The following NTRK3 variants were observed in gnomAD, a reference collection of about 807,000 sequenced individuals.
NTRK3 encodes neurotrophic receptor tyrosine kinase 3.
A neutral mutation model predicts 91.7 loss-of-function variants in NTRK3; 24 were observed. The observed-to-expected ratio is 0.26, with a 90% CI of 0.19 to 0.37. NTRK3 has a LOEUF of 0.37. Among genes scored for constraint, NTRK3 ranks in the 10% least tolerant of loss-of-function variants. The pLI is 1.00. For missense variants in NTRK3, 880 were observed against 1,068.9 expected (o/e 0.82, Z 2.46); for synonymous variants, 483 against 404.0 (o/e 1.20, Z -2.34).
intron 3 of NTRK3, among the ~76,000 whole-genome samples, chr15:88,250,420 T>G (rs1479608033): frequency 3.9e-5 from 6 of 152,206 alleles, no homozygotes; most frequent in Admixed American, 3.9e-4. Context: ...AATTGTAAAC[T>G]AAAAATAATG....
chr15:88,092,710 G>A (rs969886097), intron 13 of NTRK3, among the ~76,000 whole-genome samples: 13 of 152,200 alleles, frequency 8.5e-5, no homozygotes, highest in Non-Finnish European at 1.6e-4. Flanking sequence ...GGAGGCTCTG[G>A]GTAGAGTCTG....
At chr15:88,047,841 A>AGTAACTTAG (rs1250516569) in intron 13 of NTRK3, among the ~76,000 whole-genome samples, 3 of 152,200 alleles carry the variant, frequency 2.0e-5, no homozygotes, top group Non-Finnish European at 1.5e-5. Flanking sequence ...CCTGATAAAA[A>AGTAACTTAG]GTAACTTAGG....
chr15:88,105,463 C>T (rs1363582057), intron 13 of NTRK3, among the ~76,000 whole-genome samples: 4 of 152,112 alleles, frequency 2.6e-5, no homozygotes, highest in African/African-American at 4.8e-5. Context: ...TCAGAAAGAA[C>T]AAGTGACTAG....
At chr15:88,239,208 AG>A (rs762745893) in intron 3 of NTRK3, among the ~76,000 whole-genome samples, 32 of 151,366 alleles carry the variant, frequency 2.1e-4, no homozygotes, top group Middle Eastern at 3.2e-3. Context: ...CCCTCCAGGC[AG>A]GGGAAGTGGC....
At chr15:87,901,609 C>A (rs1456994985) in intron 17 of NTRK3, among the ~76,000 whole-genome samples, 2 of 152,288 alleles carry the variant, frequency 1.3e-5, no homozygotes, top group East Asian at 3.9e-4. Flanking sequence ...GGATATAGAA[C>A]AACTTATTGC....
At chr15:87,890,318 G>A (rs184626506) in intron 17 of NTRK3, among the ~76,000 whole-genome samples, 44 of 152,150 alleles carry the variant, frequency 2.9e-4, no homozygotes, top group African/African-American at 9.9e-4. Context: ...TTTCTTTAGT[G>A]GCTGCAAAAG....
At chr15:88,153,905 T>C (rs2043635978) in intron 5 of NTRK3, among the ~76,000 whole-genome samples, 1 of 151,898 alleles carries the variant, frequency 6.6e-6, no homozygotes, top group African/African-American at 2.4e-5. Flanking sequence ...GACTTCGATA[T>C]ACGAATTTTG....
intron 17 of NTRK3, among the ~76,000 whole-genome samples, chr15:87,915,494 A>T (rs540401613): frequency 6.6e-6 from 1 of 152,372 alleles, no homozygotes; most frequent in South Asian, 2.1e-4. Context: ...CTCTTCCTGC[A>T]GATGCCTAAA....
chr15:88,078,906 G>T (rs1252647943), intron 13 of NTRK3, among the ~76,000 whole-genome samples: 1 of 152,234 alleles, frequency 6.6e-6, no homozygotes, highest in Non-Finnish European at 1.5e-5. Context: ...GCTTAGGTCA[G>T]GAGGTGTGGG....
rs2052534652 is a variant in NTRK3, at chr15:88,243,295, A to G, written c.248+12611T>C. 6.6e-6 allele frequency among the ~76,000 whole-genome samples: 1 copy of G among 152,184 alleles called. No homozygotes were observed. Among genetic ancestry groups the G allele is most frequent in the Admixed American group, 6.5e-5 (1 of 15,286 alleles). On this transcript the variant is annotated intron_variant, in intron 3 of 18. Transcript: ENST00000394480. The surrounding 1 kb of genome is among the most constrained non-coding windows in gnomAD (Gnocchi z 4.8). ...TAAGAGGTGGCAGGGAGTCAGAAAC[A>G]CAATCTGGAGCAAAGCTGATATTAA...
chr15:87,950,889 G>A (rs771243061), intron 14 of NTRK3, among the ~76,000 whole-genome samples: 1 of 152,184 alleles, frequency 6.6e-6, no homozygotes, highest in African/African-American at 2.4e-5. Flanking sequence ...TAAATGAAGA[G>A]ATTAAGTGTT....
At chr15:88,127,578 C>A (rs2151120872) in intron 11 of NTRK3, among the ~76,000 whole-genome samples, 1 of 152,320 alleles carries the variant, frequency 6.6e-6, no homozygotes, top group South Asian at 2.1e-4. Flanking sequence ...GGGATCCTGG[C>A]CAGGGTCTGG....
chr15:88,170,432 C>T (rs889633943), intron 5 of NTRK3, among the ~76,000 whole-genome samples: 1 of 152,162 alleles, frequency 6.6e-6, no homozygotes, highest in African/African-American at 2.4e-5. Flanking sequence ...GGTGAGGTTC[C>T]CTCACTACAT....
At chr15:88,090,460 C>G (rs184981045) in intron 13 of NTRK3, among the ~76,000 whole-genome samples, 1 of 152,258 alleles carries the variant, frequency 6.6e-6, no homozygotes, top group East Asian at 1.9e-4. Context: ...GATAAGCATT[C>G]TCCTATAAAT....
chr15:87,970,500 T>C (rs1186712205), intron 14 of NTRK3, among the ~76,000 whole-genome samples: 1 of 152,228 alleles, frequency 6.6e-6, no homozygotes, highest in African/African-American at 2.4e-5. Context: ...AAGCTTCTGA[T>C]CACACTATAA....
chr15:87,919,849 A>G (rs1457513698), intron 17 of NTRK3, among the ~76,000 whole-genome samples: 2 of 152,200 alleles, frequency 1.3e-5, no homozygotes, highest in Non-Finnish European at 2.9e-5. Flanking sequence ...AACGGGGCTG[A>G]GATGTGGAAG....
chr15:87,863,209 C>G (rs899807417), exon 19 of NTRK3: 3 of 227,466 alleles, frequency 1.3e-5, no homozygotes, highest in Non-Finnish European at 2.6e-5. Context: ...ACAGAGACAG[C>G]TAAGCTAGGC....
chr15:88,046,734 C>G (rs996340764), intron 13 of NTRK3, among the ~76,000 whole-genome samples: 1 of 152,152 alleles, frequency 6.6e-6, no homozygotes, highest in Non-Finnish European at 1.5e-5. Context: ...GGACAGCAGC[C>G]GGGCAAGGGC....
At chr15:87,968,248 A>C (rs1263024439) in intron 14 of NTRK3, among the ~76,000 whole-genome samples, 1 of 152,202 alleles carries the variant, frequency 6.6e-6, no homozygotes, top group Non-Finnish European at 1.5e-5. Flanking sequence ...AATATGATGG[A>C]TATAACCCAC....
Sources: gnomAD v4.1 joint callset for allele counts (sites outside exome capture counted in the v4.1 genomes callset) on GRCh38, gnomAD v4.1.1 for gene constraint, Gnocchi (gnomAD v3.1) non-coding constraint, MANE v1.5 for transcripts, NCBI Gene and HGNC (gene_info 2026-07-23, HGNC 2026-07-21) for gene names.